Variants in CCSER1 observed in about 807,000 individuals in gnomAD.
CCSER1 encodes serine-rich coiled-coil domain-containing protein 1.
Under a neutral mutation model 82.0 loss-of-function variants are expected in CCSER1, and 41 were observed. The ratio of observed to expected loss-of-function variants is 0.50; its 90% CI spans 0.39 to 0.65. The LOEUF (loss-of-function observed/expected upper bound fraction) is 0.65, where lower values mean the gene tolerates loss of function less well. Among genes scored for constraint, CCSER1 ranks in the 30% least tolerant of loss-of-function variants. The pLI, the probability that CCSER1 is intolerant of heterozygous loss-of-function variation, is 0.00. For missense variants in CCSER1, 1,119 were observed against 1,064.2 expected (o/e 1.05, Z -0.72); for synonymous variants, 414 against 383.9 (o/e 1.08, Z -0.92).
chr4:90,394,895 A>G (rs947561239), intron 3 of CCSER1, among the ~76,000 whole-genome samples: 1 of 152,232 alleles, frequency 6.6e-6, no homozygotes, highest in African/African-American at 2.4e-5. Context: ...TCCTGGATAA[A>G]TAACATAGCC....
At chr4:91,143,799 C>G (rs941236247) in intron 10 of CCSER1, among the ~76,000 whole-genome samples, 5 of 151,976 alleles carry the variant, frequency 3.3e-5, no homozygotes, top group African/African-American at 1.2e-4. Flanking sequence ...GCATGTTGAA[C>G]CCACATTGCA....
chr4:90,485,982 CTG>C (rs1202819410), intron 5 of CCSER1, among the ~76,000 whole-genome samples: 2 of 152,166 alleles, frequency 1.3e-5, no homozygotes, highest in African/African-American at 4.8e-5. Context: ...TCAGAGGACT[CTG>C]TCATGTGGTC....
intron 9 of CCSER1, among the ~76,000 whole-genome samples, chr4:91,023,320 T>G (rs1388518628): frequency 6.6e-6 from 1 of 152,136 alleles, no homozygotes; most frequent in African/African-American, 2.4e-5. Context: ...AAAGTTCATA[T>G]GGAACCAAAA....
At chr4:90,631,286 T>G (rs1724372720) in intron 6 of CCSER1, among the ~76,000 whole-genome samples, 1 of 152,218 alleles carries the variant, frequency 6.6e-6, no homozygotes, top group African/African-American at 2.4e-5. Flanking sequence ...TAGAATATGC[T>G]TTTATTTGAG....
At chr4:90,920,398 A>G (rs559561624) in intron 8 of CCSER1, among the ~76,000 whole-genome samples, 2 of 152,054 alleles carry the variant, frequency 1.3e-5, no homozygotes, top group South Asian at 4.1e-4. Context: ...TACCACTCTA[A>G]TCTCATTCCT....
chr4:91,511,675 T>C (rs1759832957), intron 10 of CCSER1, among the ~76,000 whole-genome samples: 1 of 152,242 alleles, frequency 6.6e-6, no homozygotes, highest in East Asian at 1.9e-4. Context: ...GAACTGCACA[T>C]GTGAGGAATC....
chr4:90,903,973 A>G (rs1725060384), intron 8 of CCSER1, among the ~76,000 whole-genome samples: 1 of 151,990 alleles, frequency 6.6e-6, no homozygotes, highest in African/African-American at 2.4e-5. Context: ...ATTTATTTAA[A>G]TGAAAAATTA....
intron 10 of CCSER1, among the ~76,000 whole-genome samples, chr4:91,383,121 GA>G (rs1048796645): frequency 6.6e-6 from 1 of 151,552 alleles, no homozygotes; most frequent in East Asian, 1.9e-4. Context: ...ACTGGAAAAC[GA>G]AAAAAATTGT....
chr4:90,202,245 G>A (rs990250866), intron 1 of CCSER1, among the ~76,000 whole-genome samples: 1 of 149,704 alleles, frequency 6.7e-6, no homozygotes, highest in Non-Finnish European at 1.5e-5. Flanking sequence ...TGTCACCCAA[G>A]CTGCTGGAGT....
chr4:90,977,719 A>C (rs1042647037), intron 9 of CCSER1, among the ~76,000 whole-genome samples: 1 of 151,566 alleles, frequency 6.6e-6, no homozygotes, highest in Non-Finnish European at 1.5e-5. Context: ...TATTGTAATC[A>C]TTTGTTTGTA....
intron 9 of CCSER1, among the ~76,000 whole-genome samples, chr4:90,935,840 T>C (rs1472574043): frequency 6.6e-6 from 1 of 151,986 alleles, no homozygotes; most frequent in Non-Finnish European, 1.5e-5. Context: ...AAAAACACAA[T>C]GTACTATGTG....
chr4:91,022,098 C>A (rs1039628186), intron 9 of CCSER1, among the ~76,000 whole-genome samples: 7 of 151,202 alleles, frequency 4.6e-5, no homozygotes, highest in Non-Finnish European at 7.4e-5. Flanking sequence ...TGTGCTACAC[C>A]CATTAACTCG....
intron 10 of CCSER1, among the ~76,000 whole-genome samples, chr4:91,593,069 T>C (rs1170457503): frequency 6.6e-6 from 1 of 152,186 alleles, no homozygotes; most frequent in Admixed American, 6.5e-5. Context: ...ATAAATTCTA[T>C]CATCACATCA....
intron 4 of CCSER1, among the ~76,000 whole-genome samples, chr4:90,447,428 C>A (rs1760815236): frequency 6.6e-6 from 1 of 151,852 alleles, no homozygotes; most frequent in Non-Finnish European, 1.5e-5. Context: ...CTGTTGAAAT[C>A]AAATAGCAAA....
intron 10 of CCSER1, among the ~76,000 whole-genome samples, chr4:91,479,001 C>T (rs927576607): frequency 7.3e-5 from 11 of 151,484 alleles, no homozygotes; most frequent in East Asian, 3.9e-4. Context: ...AATATACATA[C>T]GTTTAATGTA....
chr4:90,983,380 A>G (rs1736298224), intron 9 of CCSER1, among the ~76,000 whole-genome samples: 2 of 151,454 alleles, frequency 1.3e-5, no homozygotes, highest in Non-Finnish European at 3.0e-5. Flanking sequence ...GAAATCAGCA[A>G]CTCTGTTATT....
At chr4:90,579,094 T>C (rs979152053) in intron 5 of CCSER1, among the ~76,000 whole-genome samples, 5 of 152,126 alleles carry the variant, frequency 3.3e-5, no homozygotes, top group African/African-American at 9.7e-5. Context: ...TTTTAAATTA[T>C]AAAACTAAGA....
chr4:90,159,836 A>G (rs767003757), intron 1 of CCSER1, among the ~76,000 whole-genome samples: 2 of 152,176 alleles, frequency 1.3e-5, no homozygotes, highest in African/African-American at 2.4e-5. Flanking sequence ...CCTAACATTT[A>G]TTGAGGATTG....
At chr4:90,258,385 G>A (rs1462446718) in intron 1 of CCSER1, among the ~76,000 whole-genome samples, 3 of 152,180 alleles carry the variant, frequency 2.0e-5, no homozygotes, top group Non-Finnish European at 2.9e-5. Flanking sequence ...GGTGGTGCAC[G>A]CCTGTAATCC....
Sources: allele counts gnomAD v4.1 joint callset (sites outside exome capture counted in the v4.1 genomes callset), GRCh38; gene constraint gnomAD v4.1.1; transcripts MANE v1.5; gene names NCBI Gene and HGNC (gene_info 2026-07-23, HGNC 2026-07-21).